Variants in CEP170 observed in about 807,000 individuals in gnomAD.
CEP170 encodes centrosomal protein 170.
CEP170 carries 21 observed loss-of-function variants against 151.9 expected under a neutral mutation model. That is an observed-to-expected ratio of 0.14 (90% confidence interval 0.10 to 0.20). CEP170 has a LOEUF of 0.20. CEP170 is among the 10% of genes least tolerant of loss of function. The pLI, the probability that CEP170 is intolerant of heterozygous loss-of-function variation, is 1.00. For missense variants in CEP170, 964 were observed against 1,892.9 expected (o/e 0.51, Z 9.11); for synonymous variants, 356 against 648.8 (o/e 0.55, Z 6.86).
At chr1:243,245,932 C>A (rs560090631) in intron 1 of CEP170, among the ~76,000 whole-genome samples, 1 of 150,344 alleles carries the variant, frequency 6.7e-6, no homozygotes, top group East Asian at 2.0e-4. Context: ...GGTAACAGAG[C>A]GGGACCTCGT....
chr1:243,130,018 AC>A (rs1558359439), intron 17 of CEP170, among the ~76,000 whole-genome samples: 2 of 152,172 alleles, frequency 1.3e-5, no homozygotes, highest in Non-Finnish European at 2.9e-5. Context: ...GTAGGAAAAT[AC>A]ACAGTATATT....
chr1:243,237,454 C>G (rs1484610420), intron 1 of CEP170, among the ~76,000 whole-genome samples: 1 of 152,178 alleles, frequency 6.6e-6, no homozygotes, highest in African/African-American at 2.4e-5. Flanking sequence ...ACAAATGACA[C>G]TATTATTTAC....
At chr1:243,131,131 T>C (rs1023832417) in intron 17 of CEP170, among the ~76,000 whole-genome samples, 1 of 151,998 alleles carries the variant, frequency 6.6e-6, no homozygotes, top group African/African-American at 2.4e-5. Context: ...TTGGTGAAAA[T>C]GGGTTTTTCA....
At chr1:243,243,124 C>T (rs918754667) in intron 1 of CEP170, among the ~76,000 whole-genome samples, 6 of 152,044 alleles carry the variant, frequency 3.9e-5, no homozygotes, top group South Asian at 2.1e-4. Context: ...TTTAGGAGGC[C>T]GAGACAGGAG....
At chr1:243,215,387 G>C (rs2062173496) in intron 3 of CEP170, among the ~76,000 whole-genome samples, 2 of 152,182 alleles carry the variant, frequency 1.3e-5, no homozygotes, top group African/African-American at 4.8e-5. Flanking sequence ...AAAGCGAATA[G>C]GAGAAATATC....
Position 243,164,411 on chromosome 1 carries a change from G to A in CEP170, c.3549C>T (p.Ala1183=), listed in dbSNP as rs2058306119. 2 of 1,554,144 alleles carry A rather than the reference G, an allele frequency of 1.3e-6. No homozygotes were observed. The highest frequency in any genetic ancestry group is 1.7e-6 in the Non-Finnish European group (2 of 1,146,392). Residue 1183 remains alanine (A), a synonymous_variant, in exon 13 of 20, where the codon GCC becomes GCT. Transcript: ENST00000366542. ...RSSASSRTAE[A]IIRSGARLVP... is the part of the protein sequence containing the mutation. Reference sequence around the variant, plus strand: ...CTAGTCTGGCTCCACTTCTAATGATGGCTTCTGCGGTCCTCGAAGAGGCAC... The same window carrying A: ...CTAGTCTGGCTCCACTTCTAATGATAGCTTCTGCGGTCCTCGAAGAGGCAC...
At chr1:243,173,122 G>T (rs367551572) in intron 10 of CEP170, among the ~76,000 whole-genome samples, 1 of 151,596 alleles carries the variant, frequency 6.6e-6, no homozygotes, top group Admixed American at 6.6e-5. Context: ...GTACAGTGGC[G>T]TGATCTCGGC....
intron 12 of CEP170, among the ~76,000 whole-genome samples, chr1:243,167,979 A>G (rs1388831764): frequency 1.3e-5 from 2 of 152,032 alleles, no homozygotes; most frequent in Non-Finnish European, 2.9e-5. Context: ...ATGATGACAT[A>G]GAAATGAGAT....
chr1:243,136,514 T>G (rs1413372540), intron 16 of CEP170, among the ~76,000 whole-genome samples: 5 of 152,248 alleles, frequency 3.3e-5, no homozygotes, highest in Admixed American at 3.3e-4. Flanking sequence ...CAGTTTATCT[T>G]CAATTAATAT....
chr1:243,214,549 G>C (rs1213602305), intron 3 of CEP170, among the ~76,000 whole-genome samples: 1 of 151,928 alleles, frequency 6.6e-6, no homozygotes, highest in African/African-American at 2.4e-5. Context: ...GCCTCCCAAA[G>C]GGCTAAGATT....
At chr1:243,189,330 G>GCA (rs2060134376) in intron 8 of CEP170, among the ~76,000 whole-genome samples, 2 of 152,106 alleles carry the variant, frequency 1.3e-5, no homozygotes, top group East Asian at 3.9e-4. Context: ...GCTAAGGTGG[G>GCA]TGGATCACGA....
At chr1:243,196,401 G>C (rs2148805909) in intron 7 of CEP170, among the ~76,000 whole-genome samples, 2 of 152,184 alleles carry the variant, frequency 1.3e-5, no homozygotes, top group Middle Eastern at 6.8e-3. Context: ...TTTAGGTATT[G>C]CTGTGATGAT....
chr1:243,165,881 A>G lies in CEP170; in HGVS notation c.2079T>C (p.Asp693=). 2.5e-6 allele frequency: 4 copies of G among 1,613,846 alleles called. No homozygotes were observed. The highest frequency in any genetic ancestry group is 3.4e-6 in the Non-Finnish European group (4 of 1,179,794). The change falls in exon 13 of 20, where the codon GAT becomes GAC. Residue 693 remains aspartate (D), a synonymous_variant. Coordinates refer to ENST00000366542, the MANE Select transcript of CEP170 (RefSeq NM_014812.3). The stretch of plus-strand genomic sequence containing the variant: ...TCATTTTACTCAAGGGTCTGTCAGC[A>G]TCTTGTTTATCTTTCTGGTATACCT... The part of the protein sequence containing the change: ...PTQVYQKDKQ[D]ADRPLSKMNR...
intron 3 of CEP170, among the ~76,000 whole-genome samples, chr1:243,215,058 T>C (rs1486117060): frequency 1.3e-5 from 2 of 152,226 alleles, no homozygotes; most frequent in African/African-American, 4.8e-5. Flanking sequence ...TAATTTCTTA[T>C]GCCTGTCTTT....
At chr1:243,128,138 T>C (rs1253429726) in intron 19 of CEP170, 111 bp downstream of exon 19, 1 of 881,886 alleles carries the variant, frequency 1.1e-6, no homozygotes, top group South Asian at 2.3e-5. Flanking sequence ...ATTTTATGTA[T>C]GTCATTACAT....
At chr1:243,189,133 A>C (rs1301240262) in intron 8 of CEP170, among the ~76,000 whole-genome samples, 2 of 152,222 alleles carry the variant, frequency 1.3e-5, no homozygotes, top group Non-Finnish European at 2.9e-5. Flanking sequence ...AATTTCTAGT[A>C]AGGGCTTAAA....
At chr1:243,141,815 T>C (rs1331305843) in intron 15 of CEP170, among the ~76,000 whole-genome samples, 1 of 152,228 alleles carries the variant, frequency 6.6e-6, no homozygotes, top group Non-Finnish European at 1.5e-5. Flanking sequence ...ATATTACATA[T>C]GTATTTCAAT....
At chr1:243,140,580 A>T (rs1213731154) in intron 15 of CEP170, 1 of 152,492 alleles carries the variant, frequency 6.6e-6, no homozygotes, top group African/African-American at 2.4e-5. Flanking sequence ...TAAGTTTACA[A>T]AAGGAAAATA....
At chr1:243,166,224 C>G (rs1005923742) in intron 12 of CEP170, 108 bp from the exon 13 acceptor site, 75 of 1,414,514 alleles carry the variant, frequency 5.3e-5, no homozygotes, top group East Asian at 5.0e-5. Context: ...GGTTCCAGGC[C>G]CCTTATTCCC....
Sources: allele counts gnomAD v4.1 joint callset (sites outside exome capture counted in the v4.1 genomes callset), GRCh38; gene constraint gnomAD v4.1.1; transcripts MANE v1.5; gene names NCBI Gene and HGNC (gene_info 2026-07-23, HGNC 2026-07-21).